The following ADAMTS19 variants were observed in gnomAD, a reference collection of about 807,000 sequenced individuals.
ADAMTS19 encodes the protein A disintegrin and metalloproteinase with thrombospondin motifs 19.
Under a neutral mutation model 153.3 loss-of-function variants are expected in ADAMTS19, and 93 were observed. The observed-to-expected ratio is 0.61, with a 90% CI of 0.51 to 0.72. The LOEUF (loss-of-function observed/expected upper bound fraction) is 0.72. Among genes scored for constraint, ADAMTS19 ranks in the 30% least tolerant of loss-of-function variants. The probability of loss-of-function intolerance (pLI) is 0.00; values close to 1 mark genes in which losing one functional copy is unlikely to be tolerated. For synonymous variants in ADAMTS19, 600 were observed against 556.6 expected, an observed-to-expected ratio of 1.08 and a Z score of -1.10; for missense variants, 1,482 against 1,552.1, an observed-to-expected ratio of 0.95 and a Z score of 0.76.
At chr5:129,647,735 T>C in intron 11 of ADAMTS19, 30 bp from the exon 12 acceptor site, 1 of 1,607,760 alleles carries the variant, frequency 6.2e-7, no homozygotes, top group South Asian at 1.1e-5. Flanking sequence ...TGCCCTGATT[T>C]GTTCACCTAA....
At chr5:129,592,445 T>C (rs1750186039) in intron 7 of ADAMTS19, among the ~76,000 whole-genome samples, 1 of 151,600 alleles carries the variant, frequency 6.6e-6, no homozygotes, top group Non-Finnish European at 1.5e-5. Context: ...AAATAACATC[T>C]GTGTTAATTC....
intron 2 of ADAMTS19, 88 bp from the exon 3 acceptor site, chr5:129,508,989 A>T: frequency 8.5e-7 from 1 of 1,171,924 alleles, no homozygotes; most frequent in Non-Finnish European, 1.2e-6. Flanking sequence ...CATGTTTGTT[A>T]ACAAAAACAG....
chr5:129,522,346 T>TAC (rs1291932907), intron 3 of ADAMTS19, among the ~76,000 whole-genome samples: 2 of 122,406 alleles, frequency 1.6e-5, no homozygotes, highest in Admixed American at 8.0e-5. Context: ...TATATATATA[T>TAC]ATATATATAT....
intron 11 of ADAMTS19, among the ~76,000 whole-genome samples, chr5:129,642,890 C>T (rs3844555): frequency 0.25 from 37,877 of 152,024 alleles, 5,576 homozygotes; most frequent in African/African-American, 0.41. Flanking sequence ...CACACACAGA[C>T]GCACCTACAC....
chr5:129,553,166 A>G (rs1753192165), intron 7 of ADAMTS19, among the ~76,000 whole-genome samples: 1 of 152,100 alleles, frequency 6.6e-6, no homozygotes, highest in Admixed American at 6.6e-5. Context: ...GTAAGCAGCA[A>G]TGTTGCCCCC....
intron 16 of ADAMTS19, among the ~76,000 whole-genome samples, chr5:129,675,643 T>A (rs1428969199): frequency 6.6e-6 from 1 of 152,212 alleles, no homozygotes; most frequent in East Asian, 1.9e-4. Flanking sequence ...TATTTTATTC[T>A]GTGAAATTTG....
chr5:129,601,278 T>G (rs1168260322), intron 8 of ADAMTS19, among the ~76,000 whole-genome samples: 2 of 152,220 alleles, frequency 1.3e-5, no homozygotes, highest in Non-Finnish European at 2.9e-5. Context: ...CTTCATAATT[T>G]AATGTGATGA....
chr5:129,495,543 C>CCTT, intron 2 of ADAMTS19, among the ~76,000 whole-genome samples: 1 of 152,116 alleles, frequency 6.6e-6, no homozygotes, highest in East Asian at 1.9e-4. Context: ...GCATTCTGGA[C>CCTT]CTTTTATAAA....
At chr5:129,578,206 ATACC>A (rs1749294830) in intron 7 of ADAMTS19, among the ~76,000 whole-genome samples, 2 of 9,756 alleles carry the variant, frequency 2.1e-4, no homozygotes, top group African/African-American at 5.2e-4. Context: ...ATACGTACAT[ATACC>A]TATATGCATG....
intron 8 of ADAMTS19, among the ~76,000 whole-genome samples, chr5:129,619,613 T>C (rs1751685972): frequency 6.6e-6 from 1 of 152,010 alleles, no homozygotes; most frequent in African/African-American, 2.4e-5. Context: ...GTGTTTTAAA[T>C]AGATCTCACT....
At chr5:129,647,574 T>C (rs1753122733) in intron 11 of ADAMTS19, among the ~76,000 whole-genome samples, 191 bp from the exon 12 acceptor site, 1 of 152,176 alleles carries the variant, frequency 6.6e-6, no homozygotes, top group Non-Finnish European at 1.5e-5. Flanking sequence ...CAAGACTGTA[T>C]CTGTGAGAAC....
chr5:129,691,710 A>T (rs1161500130), intron 18 of ADAMTS19, among the ~76,000 whole-genome samples: 1 of 152,140 alleles, frequency 6.6e-6, no homozygotes, highest in Non-Finnish European at 1.5e-5. Flanking sequence ...CTTTCTTACA[A>T]TGTAAATGGA....
chr5:129,513,202 T>TA (rs745675326), intron 3 of ADAMTS19, among the ~76,000 whole-genome samples: 57 of 141,436 alleles, frequency 4.0e-4, no homozygotes, highest in East Asian at 6.2e-4. Flanking sequence ...AAGTAACAAC[T>TA]AAAAAAAAAA....
At chr5:129,666,006 C>T (rs1026420144) in intron 16 of ADAMTS19, among the ~76,000 whole-genome samples, 54 of 149,626 alleles carry the variant, frequency 3.6e-4, no homozygotes, top group Non-Finnish European at 6.2e-4. Flanking sequence ...ATGATCGTTT[C>T]GTCAGGAAAT....
chr5:129,687,377 CCTT>C (rs1307018346), intron 18 of ADAMTS19, among the ~76,000 whole-genome samples: 1 of 152,084 alleles, frequency 6.6e-6, no homozygotes, highest in African/African-American at 2.4e-5. Context: ...ATTTTTTCCT[CCTT>C]CTGCCATTTT....
intron 2 of ADAMTS19, among the ~76,000 whole-genome samples, chr5:129,497,892 A>T (rs1750977720): frequency 6.6e-6 from 1 of 151,992 alleles, no homozygotes; most frequent in African/African-American, 2.4e-5. Context: ...ACTTTTGGTC[A>T]CCCTAGAATC....
intron 7 of ADAMTS19, among the ~76,000 whole-genome samples, chr5:129,579,264 C>A (rs1475011466): frequency 2.0e-5 from 3 of 151,894 alleles, no homozygotes; most frequent in Admixed American, 6.6e-5. Flanking sequence ...CTGTTCATAT[C>A]CTTAGCCCAC....
At chr5:129,708,340 T>G (rs1397233329) in intron 21 of ADAMTS19, among the ~76,000 whole-genome samples, 2 of 152,072 alleles carry the variant, frequency 1.3e-5, no homozygotes, top group African/African-American at 4.8e-5. Context: ...TCTGACTATA[T>G]CTCTCTCTGC....
chr5:129,713,030 T>C (rs561141370), intron 21 of ADAMTS19, among the ~76,000 whole-genome samples: 2 of 152,360 alleles, frequency 1.3e-5, no homozygotes, highest in African/African-American at 4.8e-5. Flanking sequence ...ATACTTTTGA[T>C]CACTATTCTT....
Sources: gnomAD v4.1 joint callset for allele counts (sites outside exome capture counted in the v4.1 genomes callset) on GRCh38, gnomAD v4.1.1 for gene constraint, MANE v1.5 for transcripts, NCBI Gene and HGNC (gene_info 2026-07-23, HGNC 2026-07-21) for gene names.